DLG5: variants seen among roughly 807,000 people sequenced by gnomAD.
DLG5 encodes the protein discs large MAGUK scaffold protein 5.
Under a neutral mutation model 189.8 loss-of-function variants are expected in DLG5, and 48 were observed. The observed-to-expected ratio is 0.25, with a 90% confidence interval of 0.20 to 0.32. DLG5 has a LOEUF of 0.32. Ranked by LOEUF, DLG5 falls within the 10% of genes least tolerant of loss-of-function variation. DLG5 has a pLI of 1.00. For synonymous variants in DLG5, 1,016 were observed against 1,054.1 expected, an observed-to-expected ratio of 0.96 and a Z score of 0.70; for missense variants, 2,160 against 2,544.7, an observed-to-expected ratio of 0.85 and a Z score of 3.25.
chr10:77,830,653 T>C, intron 10 of DLG5, 88 bp downstream of exon 10: 1 of 1,542,526 alleles, frequency 6.5e-7, no homozygotes, highest in Non-Finnish European at 8.8e-7. Context: ...AAACTTGGAG[T>C]GGTGAAACTG....
Position 77,856,753 on chromosome 10 carries a change from C to A in DLG5, c.513G>T (p.Thr171=), listed in dbSNP as rs1407534368. ...NELRKRLAFA[T]HGTAFDKRPY... ...ACCTCTTGTCAAAGGCCGTGCCATG[C>A]GTAGCAAAGGCCAGGCGCTTGCGGA... Residue 171 remains threonine, a synonymous_variant, in exon 3 of 32, where the codon ACG becomes ACT. Transcript: ENST00000372391. 6.2e-7 allele frequency: 1 copy of A among 1,613,440 alleles called. No homozygotes were observed. Among genetic ancestry groups the A allele is most frequent in the South Asian group, 1.1e-5 (1 of 91,040 alleles).
chr10:77,861,868 T>C (rs945854019), intron 2 of DLG5, among the ~76,000 whole-genome samples: 1 of 152,262 alleles, frequency 6.6e-6, no homozygotes, highest in Non-Finnish European at 1.5e-5. Flanking sequence ...ACAGGACACA[T>C]ACAGAAAGTA....
Position 77,926,573 on chromosome 10 carries a change from G to A in DLG5, c.-53C>T. ...CCGGACGCCTCCCGGGCCCCCCGAG[G>A]CCGGCGGGCGGGCAGGCGAGCACCT... is the stretch of plus-strand genomic sequence containing the variant. On this transcript the variant is annotated 5_prime_UTR_variant, in exon 1 of 32. Transcript: ENST00000372391. This position sits in a 1 kb window ranked among gnomAD's most constrained non-coding sequence, Gnocchi z 5.2. 8.4e-7 allele frequency: 1 copy of A among 1,195,532 alleles called. No homozygotes were observed. The highest frequency in any genetic ancestry group is 1.0e-6 in the Non-Finnish European group (1 of 964,714). 74.1% of individuals were successfully genotyped at this position (1,195,532 alleles called of 1,614,324 possible).
chr10:77,814,278 A>G (rs1369446484), intron 20 of DLG5, among the ~76,000 whole-genome samples: 2 of 152,034 alleles, frequency 1.3e-5, no homozygotes, highest in Non-Finnish European at 2.9e-5. Context: ...GCGCCCAGCC[A>G]GAGATAATCT....
intron 2 of DLG5, 45 bp from the exon 3 acceptor site, chr10:77,856,937 TCAC>T: frequency 6.4e-7 from 1 of 1,574,786 alleles, no homozygotes; most frequent in Non-Finnish European, 8.6e-7. Flanking sequence ...CATCTGGCAT[TCAC>T]GAGGCGCCCG....
chr10:77,829,208 T>C lies in DLG5; in HGVS notation c.2185+147A>G. 9 of 1,217,752 alleles carry C rather than the reference T, an allele frequency of 7.4e-6. No individual in the cohort carries two copies. In the South Asian group the frequency reaches 1.0e-4, roughly 14 times the overall value. The allele number at this position is 1,217,752 out of a possible 1,614,324, so 75.4% of individuals were successfully genotyped here. A position where few individuals can be genotyped will look rare whatever the true frequency, so the allele number is the denominator to read the frequency against. On this transcript the variant is annotated intron_variant, in intron 12 of 31. Coordinates refer to ENST00000372391, the MANE Select transcript of DLG5 (RefSeq NM_004747.4). ...CAAGACTCAGGGCCCAGACCACCTCTTGCCAGAAAAGCACATGGGCTACAT... is the reference window on the plus strand; with the variant it reads ...CAAGACTCAGGGCCCAGACCACCTCCTGCCAGAAAAGCACATGGGCTACAT...
chr10:77,841,345 G>A (rs1388600646), intron 7 of DLG5, among the ~76,000 whole-genome samples: 4 of 152,214 alleles, frequency 2.6e-5, no homozygotes, highest in Non-Finnish European at 5.9e-5. Context: ...GGCCCCCAGA[G>A]AGCAAGGCTT....
intron 2 of DLG5, among the ~76,000 whole-genome samples, chr10:77,863,837 CAA>C (rs1380907359): frequency 1.3e-5 from 2 of 152,124 alleles, no homozygotes; most frequent in Non-Finnish European, 2.9e-5. Flanking sequence ...TGGATGGAGA[CAA>C]AGAGCAGCCA....
At chr10:77,897,057 G>A (rs1485562229) in intron 1 of DLG5, among the ~76,000 whole-genome samples, 2 of 150,512 alleles carry the variant, frequency 1.3e-5, no homozygotes, top group Non-Finnish European at 3.0e-5. Context: ...AAAAAAATAG[G>A]CATCAAAAAA....
At chr10:77,845,973 A>T (rs1420474675) in intron 5 of DLG5, among the ~76,000 whole-genome samples, 6 of 150,276 alleles carry the variant, frequency 4.0e-5, no homozygotes, top group Non-Finnish European at 8.9e-5. Context: ...GGCCAGGCAC[A>T]GTGGCACATG....
At position 77,893,854 on chromosome 10, in the gene DLG5, C is replaced by G. The variant is rs969684347; in HGVS notation, c.305-24657G>C. On this transcript the variant is annotated intron_variant, in intron 1 of 31. Coordinates refer to ENST00000372391, the MANE Select transcript of DLG5 (RefSeq NM_004747.4). Reference sequence around the variant, plus strand: ...GACAGCAGTTTTTGACCCCCTACTCCCTGGGCCTGAACCCTTCCCAGAGCT... The same window carrying G: ...GACAGCAGTTTTTGACCCCCTACTCGCTGGGCCTGAACCCTTCCCAGAGCT... Among the ~76,000 whole-genome samples the G allele has an allele frequency of 2.0e-5, 3 of 152,316 alleles. No homozygotes were observed. In the East Asian group the frequency reaches 5.8e-4, roughly 29 times the overall value.
chr10:77,930,004 C>T (rs1053136771), upstream of DLG5, among the ~76,000 whole-genome samples: 1 of 152,182 alleles, frequency 6.6e-6, no homozygotes, highest in Non-Finnish European at 1.5e-5. Context: ...TGTAGATTTA[C>T]CCACCTTTCC....
intron 1 of DLG5, among the ~76,000 whole-genome samples, chr10:77,915,539 T>C (rs763067878): frequency 5.3e-5 from 8 of 152,202 alleles, no homozygotes; most frequent in Non-Finnish European, 8.8e-5. Context: ...CACTGCCTAA[T>C]AAAGCCACTC....
chr10:77,926,796 C>T (rs1016690489), upstream of DLG5: 43 of 170,774 alleles, frequency 2.5e-4, no homozygotes, highest in Non-Finnish European at 4.9e-4. The surrounding 1 kb of genome is among the most constrained non-coding windows in gnomAD (Gnocchi z 5.2). Context: ...AAGGAGGAGG[C>T]GGAGGTGGGG....
chr10:77,918,967 G>T (rs1846453602), intron 1 of DLG5, among the ~76,000 whole-genome samples: 1 of 152,140 alleles, frequency 6.6e-6, no homozygotes, highest in Non-Finnish European at 1.5e-5. Flanking sequence ...TATAATCACA[G>T]CACTCTGGGA....
At chr10:77,824,758 G>A in intron 13 of DLG5, 1 of 364,570 alleles carries the variant, frequency 2.7e-6, no homozygotes. Flanking sequence ...TCTTGGCACT[G>A]CTGTGCCCGG....
intron 13 of DLG5, among the ~76,000 whole-genome samples, chr10:77,825,051 T>G (rs1443040555): frequency 1.3e-5 from 2 of 152,160 alleles, no homozygotes; most frequent in African/African-American, 4.8e-5. Context: ...TACACCCACA[T>G]TGCAGAACAC....
intron 7 of DLG5, among the ~76,000 whole-genome samples, chr10:77,837,573 T>G (rs868097567): frequency 7.2e-5 from 11 of 152,198 alleles, no homozygotes; most frequent in Admixed American, 4.6e-4. Context: ...TATACTTAGT[T>G]TTAGTGAGAG....
intron 1 of DLG5, among the ~76,000 whole-genome samples, chr10:77,908,447 G>A (rs1469117025): frequency 6.6e-6 from 1 of 152,122 alleles, no homozygotes; most frequent in South Asian, 2.1e-4. Flanking sequence ...AGCCCCAGCA[G>A]CCTCACAAGA....
Sources: allele counts gnomAD v4.1 joint callset (sites outside exome capture counted in the v4.1 genomes callset), GRCh38; gene constraint gnomAD v4.1.1; non-coding constraint Gnocchi (gnomAD v3.1); transcripts MANE v1.5; gene names NCBI Gene and HGNC (gene_info 2026-07-23, HGNC 2026-07-21).